The following DSCAML1 variants were observed in gnomAD, a reference collection of about 807,000 sequenced individuals.
DSCAML1 encodes the protein DS cell adhesion molecule like 1.
In DSCAML1, 38 loss-of-function variants were observed where a neutral mutation model predicts 200.5. That is an observed-to-expected ratio of 0.19 (90% confidence interval 0.15 to 0.25). DSCAML1 has a LOEUF of 0.25. DSCAML1 is among the 10% of genes least tolerant of loss of function. DSCAML1 has a pLI of 1.00. For synonymous variants in DSCAML1, 1,215 were observed against 1,165.0 expected (o/e 1.04, Z -0.87); for missense variants, 2,223 against 2,858.8 (o/e 0.78, Z 5.07).
At chr11:117,472,640 T>C (rs1427855656) in intron 14 of DSCAML1, among the ~76,000 whole-genome samples, 2 of 152,118 alleles carry the variant, frequency 1.3e-5, no homozygotes, top group Non-Finnish European at 2.9e-5. Flanking sequence ...TCAGAGTCAT[T>C]AGGGTTAGGG....
chr11:117,432,844 C>T (rs941556728), intron 29 of DSCAML1, among the ~76,000 whole-genome samples: 3 of 151,562 alleles, frequency 2.0e-5, no homozygotes, highest in African/African-American at 7.3e-5. Context: ...CTTCTGGCCT[C>T]AAGTGATCCT....
intron 3 of DSCAML1, among the ~76,000 whole-genome samples, chr11:117,671,180 C>G (rs1412503876): frequency 6.6e-6 from 1 of 152,198 alleles, no homozygotes; most frequent in Non-Finnish European, 1.5e-5. Flanking sequence ...AAATGTCCTG[C>G]CTGTTTAAGC....
Position 117,650,475 on chromosome 11 carries a change from C to T in DSCAML1, c.512-117953G>A, listed in dbSNP as rs562332880. Reference sequence around the variant, plus strand: ...CAGCTGCGGTTCTCTGAGAAACTGTCCTCTCCAGCTCTTTTCCAGGACAAT... The same window carrying T: ...CAGCTGCGGTTCTCTGAGAAACTGTTCTCTCCAGCTCTTTTCCAGGACAAT... On this transcript the variant is annotated intron_variant, in intron 3 of 32. Transcript: ENST00000651296. Among the ~76,000 whole-genome samples, 3 of 152,266 alleles carry T rather than the reference C, an allele frequency of 2.0e-5. No homozygotes were observed. The East Asian group carries it at 5.8e-4, about 29-fold the overall frequency.
chr11:117,747,480 A>G (rs189975066), intron 3 of DSCAML1, among the ~76,000 whole-genome samples: 68 of 152,202 alleles, frequency 4.5e-4, no homozygotes, highest in African/African-American at 1.6e-3. Flanking sequence ...ATCACGCACC[A>G]CCAGCACAAT....
intron 22 of DSCAML1, 140 bp downstream of exon 22, chr11:117,439,679 G>A: frequency 2.3e-6 from 2 of 871,138 alleles, no homozygotes; most frequent in East Asian, 2.4e-5. Flanking sequence ...GAGAGCAGTA[G>A]CAGCACACCC....
chr11:117,486,534 C>G (rs2049070540), intron 11 of DSCAML1, among the ~76,000 whole-genome samples: 1 of 152,198 alleles, frequency 6.6e-6, no homozygotes, highest in Admixed American at 6.5e-5. Context: ...AAGCAGAGAC[C>G]TGGTGCAGTA....
intron 8 of DSCAML1, among the ~76,000 whole-genome samples, chr11:117,509,370 C>T (rs1027461655): frequency 6.6e-6 from 1 of 152,158 alleles, no homozygotes; most frequent in Non-Finnish European, 1.5e-5. Flanking sequence ...GAAGAAGTAG[C>T]CAACATCCAT....
At chr11:117,779,602 C>T (rs1213366277) in intron 2 of DSCAML1, among the ~76,000 whole-genome samples, 3 of 152,186 alleles carry the variant, frequency 2.0e-5, no homozygotes, top group African/African-American at 7.2e-5. Flanking sequence ...GCAGTGAGAA[C>T]AACCAACCTC....
In DSCAML1 at chr11:117,780,298, A is replaced by AAGAAAGAAAGAG. The variant is rs1565280998; in HGVS notation, c.364+194_364+195insCTCTTTCTTTCT. Reference sequence around the variant, plus strand: ...AAAGAAAGAAAGAAAGAAAGAAAGAAAGAAAGAGAGAAAGGAGAAAGAAAG... The same window carrying AAGAAAGAAAGAG: ...AAAGAAAGAAAGAAAGAAAGAAAGAAAGAAAGAAAGAGAGAAAGAGAGAAAGGAGAAAGAAAG... On this transcript the variant is annotated intron_variant, in intron 2 of 32. Coordinates refer to ENST00000651296, the MANE Select transcript of DSCAML1 (RefSeq NM_020693.4). The surrounding 1 kb of genome is among the most constrained non-coding windows in gnomAD (Gnocchi z 4.8). Among the ~76,000 whole-genome samples the AAGAAAGAAAGAG allele has an allele frequency of 4.5e-5, 5 of 111,194 alleles. No homozygotes were observed. Among genetic ancestry groups the AAGAAAGAAAGAG allele is most frequent in the African/African-American group, 1.5e-4 (5 of 32,504 alleles). The allele number at this position is 111,194 out of a possible 152,430, so 72.9% of individuals were successfully genotyped here.
intron 3 of DSCAML1, among the ~76,000 whole-genome samples, chr11:117,617,628 GA>G (rs1263081567): frequency 1.4e-5 from 2 of 147,530 alleles, no homozygotes; most frequent in Non-Finnish European, 3.0e-5. Flanking sequence ...AGCCATTTAG[GA>G]AAAAAACAAC....
intron 3 of DSCAML1, among the ~76,000 whole-genome samples, chr11:117,704,375 C>T (rs1210305834): frequency 6.6e-6 from 1 of 152,136 alleles, no homozygotes; most frequent in African/African-American, 2.4e-5. Context: ...TCTCTTTGTG[C>T]TTCTCACCCT....
intron 3 of DSCAML1, among the ~76,000 whole-genome samples, chr11:117,561,063 G>T (rs533919471): frequency 1.1e-4 from 16 of 152,306 alleles, no homozygotes; most frequent in African/African-American, 3.8e-4. Context: ...CAGGCTGCAG[G>T]GGCAGACCCC....
At chr11:117,734,715 C>T (rs1049212183) in intron 3 of DSCAML1, among the ~76,000 whole-genome samples, 1 of 152,150 alleles carries the variant, frequency 6.6e-6, no homozygotes, top group Non-Finnish European at 1.5e-5. Flanking sequence ...GTTTTGTTCC[C>T]CAGCCATATC....
intron 3 of DSCAML1, among the ~76,000 whole-genome samples, chr11:117,608,158 C>CG (rs1168614872): frequency 6.6e-6 from 1 of 152,062 alleles, no homozygotes; most frequent in South Asian, 2.1e-4. Context: ...GGTAAATCTA[C>CG]GGGGGGATAT....
At chr11:117,758,671 G>C (rs2054741692) in intron 3 of DSCAML1, among the ~76,000 whole-genome samples, 2 of 152,048 alleles carry the variant, frequency 1.3e-5, no homozygotes, top group Non-Finnish European at 2.9e-5. Context: ...CAAAGTGCTG[G>C]GATTACAGGT....
intron 20 of DSCAML1, among the ~76,000 whole-genome samples, chr11:117,448,958 C>A (rs1014594792): frequency 6.6e-6 from 1 of 152,198 alleles, no homozygotes; most frequent in East Asian, 1.9e-4. Context: ...TGCCCCAAAG[C>A]CTTCCATCAA....
intron 11 of DSCAML1, among the ~76,000 whole-genome samples, chr11:117,486,264 T>C (rs480590): frequency 0.23 from 18,554 of 81,964 alleles, 1,284 homozygotes; most frequent in East Asian, 0.32. Flanking sequence ...GGGAAAGTGG[T>C]GGATGGGAAA....
At chr11:117,574,929 A>G (rs1194140827) in intron 3 of DSCAML1, among the ~76,000 whole-genome samples, 1 of 152,046 alleles carries the variant, frequency 6.6e-6, no homozygotes, top group African/African-American at 2.4e-5. Flanking sequence ...GGTGGCTCAC[A>G]CCTGTAATCC....
chr11:117,453,429 T>G (rs2048317174), intron 19 of DSCAML1, among the ~76,000 whole-genome samples: 1 of 152,230 alleles, frequency 6.6e-6, no homozygotes, highest in Admixed American at 6.5e-5. Context: ...CTAGGGCAGG[T>G]ATGTTGGTGA....
Sources: gnomAD v4.1 joint callset for allele counts (sites outside exome capture counted in the v4.1 genomes callset) on GRCh38, gnomAD v4.1.1 for gene constraint, Gnocchi (gnomAD v3.1) non-coding constraint, MANE v1.5 for transcripts, NCBI Gene and HGNC (gene_info 2026-07-23, HGNC 2026-07-21) for gene names.